The following ZZEF1 variants were observed in gnomAD, a reference collection of about 807,000 sequenced individuals.
The protein encoded by ZZEF1 is zinc finger ZZ-type and EF-hand domain containing 1, also known as zinc finger ZZ-type and EF-hand domain-containing protein 1.
ZZEF1 carries 157 observed loss-of-function variants against 342.8 expected under a neutral mutation model. That is an observed-to-expected ratio of 0.46 (90% confidence interval 0.40 to 0.52). The LOEUF (loss-of-function observed/expected upper bound fraction) is 0.52. ZZEF1 is among the 20% of genes least tolerant of loss of function. ZZEF1 has a pLI of 0.00. For missense variants in ZZEF1, 3,480 were observed against 3,725.6 expected, an observed-to-expected ratio of 0.93 and a Z score of 1.72; for synonymous variants, 1,505 against 1,429.1, an observed-to-expected ratio of 1.05 and a Z score of -1.20.
rs765327037 is a variant in ZZEF1 at position 4,013,635 on chromosome 17, C to T, written c.8414-21G>A. 69 of 1,599,878 alleles carry T rather than the reference C, an allele frequency of 4.3e-5. No individual in the cohort carries two copies. In the East Asian group the frequency reaches 1.3e-3, roughly 29 times the overall value. The stretch of plus-strand genomic sequence containing the variant: ...GAATCCTGGCCAACACCCCAAAACA[C>T]GGATATATAAACAGAGATACGTAAT... On this transcript the variant is annotated intron_variant, in intron 51 of 54. Transcript: ENST00000381638.
At position 4,067,903 on chromosome 17, in the gene ZZEF1, ACT is replaced by A. The variant is rs1597842057; in HGVS notation, c.4076-663_4076-662del. Among the ~76,000 whole-genome samples the A allele has an allele frequency of 2.6e-5, 4 of 152,018 alleles. No homozygotes were observed. The East Asian group carries it at 7.7e-4, about 29-fold the overall frequency. On this transcript the variant is annotated intron_variant, in intron 26 of 54. Transcript: ENST00000381638. Reference sequence around the variant, plus strand: ...AGACCAACCTAGGCAACATAGCAAGACTCTGTCTCTACAAAAAATAAAAAATT... The same window carrying A: ...AGACCAACCTAGGCAACATAGCAAGACTGTCTCTACAAAAAATAAAAAATT...
chr17:4,049,813 C>T lies in ZZEF1; in HGVS notation c.5910G>A (p.Ser1970=), dbSNP rs376126244. Residue 1970 remains serine, a synonymous_variant, in exon 37 of 55, where the codon TCG becomes TCA. Coordinates refer to ENST00000381638, the MANE Select transcript of ZZEF1 (RefSeq NM_015113.4). ...CTGGTAGGGCCTGATCTTCTAGGCT[C>T]GAGTCCCCATCTGGCAATACACCCA... The part of the protein sequence containing the change: ...ALLGVLPDGD[S]SLEDQALPVT... 1.4e-5 allele frequency: 22 copies of T among 1,614,032 alleles called. No individual in the cohort carries two copies. Among genetic ancestry groups the T allele is most frequent in the African/African-American group, 6.7e-5 (5 of 74,914 alleles).
chr17:4,051,835 G>A, intron 35 of ZZEF1, 136 bp downstream of exon 35: 2 of 845,836 alleles, frequency 2.4e-6, no homozygotes, highest in South Asian at 2.0e-5. Flanking sequence ...AAGGTTCACT[G>A]TGTTAGTCTC....
At chr17:4,021,988 T>A (rs1465511377) in intron 44 of ZZEF1, among the ~76,000 whole-genome samples, 1 of 152,066 alleles carries the variant, frequency 6.6e-6, no homozygotes, top group Non-Finnish European at 1.5e-5. Context: ...AATAAAAAAT[T>A]TTAATTTAAA....
At chr17:4,096,813 T>C in intron 9 of ZZEF1, 113 bp from the exon 10 acceptor site, 2 of 801,234 alleles carry the variant, frequency 2.5e-6, no homozygotes, top group Non-Finnish European at 4.1e-6. Context: ...ACTGGTCTGA[T>C]ATCTTCACGA....
chr17:4,080,497 G>A (rs929495431), intron 18 of ZZEF1, among the ~76,000 whole-genome samples: 9 of 152,022 alleles, frequency 5.9e-5, no homozygotes, highest in South Asian at 2.1e-4. Context: ...GTGCCACCAC[G>A]CCCAGCTAAT....
Position 4,075,198 on chromosome 17 carries a change from A to G in ZZEF1, c.3402-20T>C. The G allele has an allele frequency of 1.9e-6, 3 of 1,613,992 alleles. No homozygotes were observed. Among genetic ancestry groups the G allele is most frequent in the East Asian group, 2.2e-5 (1 of 44,870 alleles). On this transcript the variant is annotated intron_variant, in intron 22 of 54. Coordinates refer to ENST00000381638, the MANE Select transcript of ZZEF1 (RefSeq NM_015113.4). The stretch of plus-strand genomic sequence containing the variant: ...TCATACCTGTGAAGGCATAACCTCT[A>G]TTAGCTTCCTTCTCTCATTGCTGAC...
chr17:4,085,547 G>A, intron 16 of ZZEF1, 123 bp downstream of exon 16: 4 of 1,215,944 alleles, frequency 3.3e-6, no homozygotes, highest in Non-Finnish European at 4.6e-6. Flanking sequence ...ACAAAGCTCT[G>A]CATATAATAT....
Position 4,049,831 on chromosome 17 carries a change from T to G in ZZEF1, c.5892A>C (p.Val1964=), listed in dbSNP as rs1259872589. 1.2e-6 allele frequency: 2 copies of G among 1,614,182 alleles called. No homozygotes were observed. Among genetic ancestry groups the G allele is most frequent in the East Asian group, 4.5e-5 (2 of 44,884 alleles). The change falls in exon 37 of 55, where the codon GTA becomes GTC. Residue 1964 remains valine, a synonymous_variant. Coordinates refer to ENST00000381638, the MANE Select transcript of ZZEF1 (RefSeq NM_015113.4). ...KGLKALALLG[V]LPDGDSSLED... ...CTAGGCTCGAGTCCCCATCTGGCAA[T>G]ACACCCAGCAAAGCTAGAGCTTTAA...
chr17:4,128,458 G>GTT (rs71144168), intron 1 of ZZEF1, among the ~76,000 whole-genome samples: 225 of 143,808 alleles, frequency 1.6e-3, no homozygotes, highest in South Asian at 3.5e-3. Context: ...TTCTAAAGTT[G>GTT]TTTTTTTTTT....
chr17:4,059,093 G>T, intron 31 of ZZEF1, 78 bp downstream of exon 31: 3 of 1,256,992 alleles, frequency 2.4e-6, no homozygotes, highest in South Asian at 3.3e-5. Flanking sequence ...TGGTATTTTT[G>T]ACAGTGAACA....
At chr17:4,084,019 A>AT (rs2057774252) in intron 16 of ZZEF1, among the ~76,000 whole-genome samples, 1 of 152,082 alleles carries the variant, frequency 6.6e-6, no homozygotes, top group African/African-American at 2.4e-5. Context: ...TTATTCTATT[A>AT]TTTTTAACAC....
chr17:4,074,474 A>C (rs1011308714), intron 23 of ZZEF1, 123 bp from the exon 24 acceptor site: 1 of 997,914 alleles, frequency 1.0e-6, no homozygotes, highest in Non-Finnish European at 1.5e-6. Context: ...ACATGTCCAA[A>C]ATGACTAACG....
At position 4,087,523 on chromosome 17, in the gene ZZEF1, C is replaced by T; in HGVS notation, c.2253G>A (p.Lys751=). Reference sequence around the variant, plus strand: ...AAGATTTATATTTTAAGCCACTTTCCTTCTGCTGCACCTAAAAAATTATAA... The same window carrying T: ...AAGATTTATATTTTAAGCCACTTTCTTTCTGCTGCACCTAAAAAATTATAA... The part of the protein sequence containing the change: ...QQLAHDLVQQ[K]ESGLKYKSFL... The change falls in exon 14 of 55, where the codon AAG becomes AAA. Residue 751 remains lysine (K), a synonymous_variant. Transcript: ENST00000381638. The T allele has an allele frequency of 6.2e-7, 1 of 1,608,276 alleles. No homozygotes were observed. The highest frequency in any genetic ancestry group is 8.5e-7 in the Non-Finnish European group (1 of 1,178,502).
In ZZEF1 at chr17:4,088,610, T is replaced by C. The variant is rs915956051; in HGVS notation, c.2241+68A>G. 2.3e-5 allele frequency: 36 copies of C among 1,540,500 alleles called. No homozygotes were observed. The South Asian group carries it at 3.9e-4, about 17-fold the overall frequency. On this transcript the variant is annotated intron_variant, in intron 13 of 54. Transcript: ENST00000381638. Reference sequence around the variant, plus strand: ...AGGGGCAGGTTTTATCAGTTGGTGTTCATTTCTCTGAATACTGTCATTCAC... The same window carrying C: ...AGGGGCAGGTTTTATCAGTTGGTGTCCATTTCTCTGAATACTGTCATTCAC...
chr17:4,071,782 T>TGCCTCACAGGAAGATGGAAAC, intron 25 of ZZEF1, among the ~76,000 whole-genome samples: 1 of 152,110 alleles, frequency 6.6e-6, no homozygotes, highest in South Asian at 2.1e-4. Context: ...TAAATGGAAA[T>TGCCTCACAGGAAGATGGAAAC]GCCTCACAGG....
At chr17:4,098,928 C>T (rs1283233399) in intron 9 of ZZEF1, among the ~76,000 whole-genome samples, 1 of 152,172 alleles carries the variant, frequency 6.6e-6, no homozygotes, top group East Asian at 1.9e-4. Context: ...AATTATTGAA[C>T]TCTTACCTTT....
At chr17:4,070,233 A>G (rs1054892704) in intron 26 of ZZEF1, among the ~76,000 whole-genome samples, 2 of 152,236 alleles carry the variant, frequency 1.3e-5, no homozygotes, top group Non-Finnish European at 2.9e-5. Context: ...ACTACATTCA[A>G]GAACTTAAAC....
intron 14 of ZZEF1, 37 bp from the exon 15 acceptor site, chr17:4,086,692 C>T: frequency 6.2e-7 from 1 of 1,608,458 alleles, no homozygotes; most frequent in Non-Finnish European, 8.5e-7. Context: ...AGCAAAAGGG[C>T]AAGTTGCATT....
Sources: gnomAD v4.1 joint callset for allele counts (sites outside exome capture counted in the v4.1 genomes callset) on GRCh38, gnomAD v4.1.1 for gene constraint, MANE v1.5 for transcripts, NCBI Gene and HGNC (gene_info 2026-07-23, HGNC 2026-07-21) for gene names.